ARHGAP28: variants seen among roughly 807,000 people sequenced by gnomAD.
ARHGAP28 encodes rho GTPase-activating protein 28.
Under a neutral mutation model 90.7 loss-of-function variants are expected in ARHGAP28, and 56 were observed. The ratio of observed to expected loss-of-function variants is 0.62; its 90% confidence interval spans 0.50 to 0.77. ARHGAP28 has a LOEUF of 0.77. Ranked by LOEUF, ARHGAP28 falls within the 30% of genes least tolerant of loss-of-function variation. ARHGAP28 has a pLI of 0.00. For missense variants in ARHGAP28, 869 were observed against 900.9 expected (o/e 0.96, Z 0.45); for synonymous variants, 308 against 323.3 (o/e 0.95, Z 0.51).
intron 1 of ARHGAP28, among the ~76,000 whole-genome samples, chr18:6,801,322 A>G (rs1033038330): frequency 7.9e-5 from 12 of 152,210 alleles, no homozygotes; most frequent in Non-Finnish European, 4.4e-5. Context: ...AATTAACAAC[A>G]TATGTGTTAG....
chr18:6,831,655 A>G (rs2056718022), intron 2 of ARHGAP28, among the ~76,000 whole-genome samples: 1 of 151,996 alleles, frequency 6.6e-6, no homozygotes, highest in Non-Finnish European at 1.5e-5. Flanking sequence ...AGGATTATCT[A>G]CATAAGCAAA....
At chr18:6,846,544 A>G (rs1191651604) in intron 3 of ARHGAP28, among the ~76,000 whole-genome samples, 2 of 151,272 alleles carry the variant, frequency 1.3e-5, no homozygotes, top group Non-Finnish European at 2.9e-5. Flanking sequence ...TTTTTTTTCT[A>G]ATTCAATCCT....
At chr18:6,874,201 G>A (rs1214348339) in intron 9 of ARHGAP28, among the ~76,000 whole-genome samples, 1 of 152,140 alleles carries the variant, frequency 6.6e-6, no homozygotes, top group African/African-American at 2.4e-5. Flanking sequence ...CTGAGATATA[G>A]CATAGGCTGG....
chr18:6,893,602 C>A (rs1350009065), intron 14 of ARHGAP28, among the ~76,000 whole-genome samples: 2 of 152,058 alleles, frequency 1.3e-5, no homozygotes, highest in Non-Finnish European at 2.9e-5. Flanking sequence ...AAACTACATT[C>A]TTTTTTTGAG....
chr18:6,864,249 A>G (rs1372771710), intron 5 of ARHGAP28, among the ~76,000 whole-genome samples: 2 of 152,050 alleles, frequency 1.3e-5, no homozygotes, highest in Non-Finnish European at 2.9e-5. Flanking sequence ...TATTTTTAGT[A>G]GAGACTGGGT....
chr18:6,891,351 G>C (rs2057263824), intron 14 of ARHGAP28, among the ~76,000 whole-genome samples: 1 of 151,610 alleles, frequency 6.6e-6, no homozygotes. Context: ...TTACTCCTCT[G>C]CCTCCTGAGT....
chr18:6,869,559 C>T (rs1304390679), intron 6 of ARHGAP28, among the ~76,000 whole-genome samples: 6 of 152,170 alleles, frequency 3.9e-5, no homozygotes, highest in African/African-American at 9.6e-5. Flanking sequence ...CTGTGCCTGG[C>T]GTCCCTTTGC....
intron 2 of ARHGAP28, among the ~76,000 whole-genome samples, chr18:6,831,494 T>C (rs1166802479): frequency 6.7e-6 from 1 of 149,174 alleles, no homozygotes; most frequent in Admixed American, 6.7e-5. Flanking sequence ...TTTTCTTTTT[T>C]TTTTTTTATT....
At chr18:6,832,569 T>G (rs1450114680) in intron 2 of ARHGAP28, among the ~76,000 whole-genome samples, 1 of 152,010 alleles carries the variant, frequency 6.6e-6, no homozygotes, top group Non-Finnish European at 1.5e-5. Flanking sequence ...GCTTATAATT[T>G]GAAACTATGT....
At chr18:6,847,096 G>A (rs933058526) in intron 3 of ARHGAP28, among the ~76,000 whole-genome samples, 2 of 152,136 alleles carry the variant, frequency 1.3e-5, no homozygotes, top group Non-Finnish European at 2.9e-5. Flanking sequence ...GCAGGGAACT[G>A]AAATACTACT....
chr18:6,732,990 G>A (rs2055895731), intron 1 of ARHGAP28, among the ~76,000 whole-genome samples: 1 of 152,028 alleles, frequency 6.6e-6, no homozygotes, highest in South Asian at 2.1e-4. Flanking sequence ...GAAAAAAAAA[G>A]GGGGCCATTT....
chr18:6,776,551 C>A (rs1294087361), intron 1 of ARHGAP28, among the ~76,000 whole-genome samples: 2 of 152,188 alleles, frequency 1.3e-5, no homozygotes, highest in Non-Finnish European at 2.9e-5. Context: ...TCTGCCTTGG[C>A]CTCCCAGAGT....
intron 1 of ARHGAP28, among the ~76,000 whole-genome samples, chr18:6,732,266 C>A (rs2055888841): frequency 6.6e-6 from 1 of 152,014 alleles, no homozygotes; most frequent in Admixed American, 6.6e-5. Flanking sequence ...TACAAAATAG[C>A]CAAGATAAAA....
intron 16 of ARHGAP28, chr18:6,898,815 G>A (rs758206048): frequency 4.3e-5 from 46 of 1,072,568 alleles, no homozygotes; most frequent in South Asian, 6.2e-5. Flanking sequence ...GTTCTCACTC[G>A]TAAGTGGGAG....
intron 9 of ARHGAP28, chr18:6,875,173 A>G (rs1054678468): frequency 2.9e-4 from 44 of 152,240 alleles, no homozygotes; most frequent in African/African-American, 1.1e-3. Flanking sequence ...GAAAGTACTC[A>G]ATAAATGCTA....
At chr18:6,876,099 A>G in intron 9 of ARHGAP28, 32 bp from the exon 10 acceptor site, 3 of 1,489,164 alleles carry the variant, frequency 2.0e-6, no homozygotes, top group Non-Finnish European at 2.8e-6. Flanking sequence ...ATATAGAGGT[A>G]CTTATTCTGG....
chr18:6,908,248 C>A (rs1366371624), intron 16 of ARHGAP28, among the ~76,000 whole-genome samples: 1 of 152,126 alleles, frequency 6.6e-6, no homozygotes, highest in Non-Finnish European at 1.5e-5. Context: ...AGCAATTCTC[C>A]TGCCTCGGCC....
At chr18:6,856,930 T>A (rs1195950562) in intron 4 of ARHGAP28, among the ~76,000 whole-genome samples, 2 of 152,252 alleles carry the variant, frequency 1.3e-5, no homozygotes, top group Non-Finnish European at 2.9e-5. Context: ...TTGTATGTTT[T>A]AAAAATTTAG....
In ARHGAP28 at chr18:6,839,139, A is replaced by C. The variant is rs529814804; in HGVS notation, c.543+1725A>C. Among the ~76,000 whole-genome samples, 251 of 152,254 alleles carry C rather than the reference A, an allele frequency of 1.6e-3. 2 individuals carry two copies. The highest frequency in any genetic ancestry group is 4.8e-3 in the African/African-American group (198 of 41,548). On this transcript the variant is annotated intron_variant, in intron 3 of 17. Transcript: ENST00000383472. Reference sequence around the variant, plus strand: ...AAATTGGGATAGACTCCACAACAACAACCAAATAAATGAAGGACAAGTAAC... The same window carrying C: ...AAATTGGGATAGACTCCACAACAACCACCAAATAAATGAAGGACAAGTAAC...
Sources: allele counts gnomAD v4.1 joint callset (sites outside exome capture counted in the v4.1 genomes callset), GRCh38; gene constraint gnomAD v4.1.1; transcripts MANE v1.5; gene names NCBI Gene and HGNC (gene_info 2026-07-23, HGNC 2026-07-21).